VSTM2A: variants seen among roughly 807,000 people sequenced by gnomAD.
The protein encoded by VSTM2A is V-set and transmembrane domain containing 2A.
VSTM2A carries 13 observed loss-of-function variants against 27.3 expected under a neutral mutation model. That is an observed-to-expected ratio of 0.48 (90% CI 0.31 to 0.76). The LOEUF (loss-of-function observed/expected upper bound fraction) is 0.76, where lower values mean the gene tolerates loss of function less well. Among genes scored for constraint, VSTM2A ranks in the 30% least tolerant of loss-of-function variants. The pLI is 0.05. For missense variants in VSTM2A, 280 were observed against 310.0 expected, an observed-to-expected ratio of 0.90 and a Z score of 0.73; for synonymous variants, 142 against 125.7, an observed-to-expected ratio of 1.13 and a Z score of -0.87.
chr7:54,547,053 C>G (rs1053853175), intron 3 of VSTM2A, 56 bp downstream of exon 3: 2 of 1,507,334 alleles, frequency 1.3e-6, no homozygotes, highest in East Asian at 5.2e-5. Context: ...CACAGCCCTT[C>G]CCTGTCCCCG....
rs936266632 is a variant in VSTM2A at position 54,569,251 on chromosome 7, G to T, written c.*32G>T. On this transcript the variant is annotated 3_prime_UTR_variant, in exon 5 of 5. Coordinates refer to ENST00000402613, the MANE Select transcript of VSTM2A (RefSeq NM_001301009.2). ...ACACAAGGAGCGCCTGCTTCCGGAA[G>T]CATAAATGAAGAGGCTATCACATGC... The T allele has an allele frequency of 1.5e-5, 24 of 1,551,154 alleles. No homozygotes were observed. Among genetic ancestry groups the T allele is most frequent in the Non-Finnish European group, 2.0e-5 (23 of 1,146,828 alleles).
At chr7:54,543,329 G>C (rs1173696443) in intron 1 of VSTM2A, among the ~76,000 whole-genome samples, 3 of 152,148 alleles carry the variant, frequency 2.0e-5, no homozygotes, top group African/African-American at 7.2e-5. Flanking sequence ...GCAGCAGCCT[G>C]CTGAACCCGA....
rs939894560 is a variant in VSTM2A, at chr7:54,546,819, C to T, written c.247-128C>T. ...TGGGCCTGGACAGGGGTGGCCACGC[C>T]CCTGGTCGCTCCCCTGTCCCCAGGT... On this transcript the variant is annotated intron_variant, in intron 2 of 4. Coordinates refer to ENST00000402613, the MANE Select transcript of VSTM2A (RefSeq NM_001301009.2). 44 of 1,289,328 alleles carry T rather than the reference C, an allele frequency of 3.4e-5. No individual in the cohort carries two copies. In the South Asian group the frequency reaches 5.0e-4, roughly 15 times the overall value. 79.9% of individuals were successfully genotyped at this position (1,289,328 alleles called of 1,614,324 possible).
rs1788841046 is a variant in VSTM2A at position 54,569,961 on chromosome 7, C to T, written c.*742C>T. The T allele has an allele frequency of 6.6e-6, 1 of 152,054 alleles. No individual in the cohort carries two copies. Among genetic ancestry groups the T allele is most frequent in the African/African-American group, 2.4e-5 (1 of 41,388 alleles). The allele number at this position is 152,054 out of a possible 1,614,324, so 9.4% of individuals were successfully genotyped here. ...GAATATCTGTGTGTTGGGCCAATGA[C>T]CAACTTTTTTTGACGAAGCATTTGT... On this transcript the variant is annotated 3_prime_UTR_variant, in exon 5 of 5. Coordinates refer to ENST00000402613, the MANE Select transcript of VSTM2A (RefSeq NM_001301009.2).
In VSTM2A at chr7:54,570,627, A is replaced by G. The variant is rs4947920; in HGVS notation, c.*1408A>G. On this transcript the variant is annotated 3_prime_UTR_variant, in exon 5 of 5. Transcript: ENST00000402613. Reference sequence around the variant, plus strand: ...AATTTTAAATATTCCATTCTTATTTATGTCTTTATGATAATTCAGACTATT... The same window carrying G: ...AATTTTAAATATTCCATTCTTATTTGTGTCTTTATGATAATTCAGACTATT... 14 of 152,094 alleles carry G rather than the reference A, an allele frequency of 9.2e-5. No individual in the cohort carries two copies. Among genetic ancestry groups the G allele is most frequent in the African/African-American group, 2.9e-4 (12 of 41,376 alleles). The allele number at this position is 152,094 out of a possible 1,614,324, so 9.4% of individuals were successfully genotyped here.
chr7:54,564,267 A>C (rs928762497), intron 4 of VSTM2A, among the ~76,000 whole-genome samples: 10 of 152,204 alleles, frequency 6.6e-5, no homozygotes, highest in African/African-American at 2.4e-4. Flanking sequence ...TTCTGGAGTC[A>C]GACCATGCAG....
In VSTM2A at chr7:54,550,156, A is replaced by G. The variant is rs1421328362; in HGVS notation, c.620A>G (p.Gln207Arg). The G allele has an allele frequency of 1.9e-6, 3 of 1,599,266 alleles. No homozygotes were observed. The highest frequency in any genetic ancestry group is 1.3e-5 in the African/African-American group (1 of 74,606). ...CAAGTGGTAGCCAAAATCCCCAAAC[A>G]AAGTCCACAATCAGGTATGGAAACC... ...SPQVVAKIPK[Q>R]SPQSAKSKSP... Residue 207 changes from glutamine to arginine, a missense_variant, in exon 4 of 5, where the codon CAA becomes CGA. By Grantham distance (43) the Gln-to-Arg change is conservative. Transcript: ENST00000402613.
At chr7:54,552,175 A>G (rs1788220398) in intron 4 of VSTM2A, 1 of 152,184 alleles carries the variant, frequency 6.6e-6, no homozygotes, top group Non-Finnish European at 1.5e-5. Flanking sequence ...GGAGAGAAAA[A>G]AGTGACTCAT....
In VSTM2A at chr7:54,570,277, T is replaced by C. The variant is rs1262168470; in HGVS notation, c.*1058T>C. ...TTTCTGTATTATTATCATTATAATC[T>C]TGTCAAATAGAAATGTTGCTTCTAG... On this transcript the variant is annotated 3_prime_UTR_variant, in exon 5 of 5. Transcript: ENST00000402613. The C allele has an allele frequency of 6.6e-6, 1 of 152,196 alleles. No individual in the cohort carries two copies. Among genetic ancestry groups the C allele is most frequent in the East Asian group, 1.9e-4 (1 of 5,196 alleles). The allele number at this position is 152,196 out of a possible 1,614,324, so 9.4% of individuals were successfully genotyped here.
At chr7:54,561,715 A>G (rs1323184807) in intron 4 of VSTM2A, among the ~76,000 whole-genome samples, 3 of 152,196 alleles carry the variant, frequency 2.0e-5, no homozygotes, top group Admixed American at 6.5e-5. Flanking sequence ...TGAAATAGCT[A>G]AATTAAGGAA....
chr7:54,544,603 A>G lies in VSTM2A; in HGVS notation c.80-19A>G, dbSNP rs1562703307. On this transcript the variant is annotated intron_variant, in intron 1 of 4. Coordinates refer to ENST00000402613, the MANE Select transcript of VSTM2A (RefSeq NM_001301009.2). ...AGAGGGGTGTGGATATTCCAACAGG[A>G]TGCCTTTCTGTTTTGCAGCAAAATT... 6.2e-7 allele frequency: 1 copy of G among 1,612,764 alleles called. No homozygotes were observed. Among genetic ancestry groups the G allele is most frequent in the Admixed American group, 1.7e-5 (1 of 60,014 alleles).
Position 54,570,745 on chromosome 7 carries a change from T to C in VSTM2A, c.*1526T>C, listed in dbSNP as rs963383134. The C allele has an allele frequency of 1.3e-5, 2 of 152,152 alleles. No homozygotes were observed. Among genetic ancestry groups the C allele is most frequent in the East Asian group, 1.9e-4 (1 of 5,200 alleles). The allele number at this position is 152,152 out of a possible 1,614,324, so 9.4% of individuals were successfully genotyped here. ...TATGGAATAGATAAAGCTTGAGAGA[T>C]AAATGACCTAAGTTTTCCTTCCAGA... is the stretch of plus-strand genomic sequence containing the variant. On this transcript the variant is annotated 3_prime_UTR_variant, in exon 5 of 5. Transcript: ENST00000402613.
chr7:54,559,186 G>A (rs559504957), intron 4 of VSTM2A: 1 of 152,056 alleles, frequency 6.6e-6, no homozygotes, highest in South Asian at 2.1e-4. Context: ...AAATATTTTA[G>A]GAATAATATT....
chr7:54,543,630 A>C (rs1271570365), intron 1 of VSTM2A, among the ~76,000 whole-genome samples: 1 of 152,028 alleles, frequency 6.6e-6, no homozygotes, highest in Non-Finnish European at 1.5e-5. Context: ...GGAGGAGTGC[A>C]TCCACCCCAA....
chr7:54,551,990 T>C lies in VSTM2A; in HGVS notation c.634+1820T>C, dbSNP rs764501081. 9 of 152,374 alleles carry C rather than the reference T, an allele frequency of 5.9e-5. No homozygotes were observed. In the East Asian group the frequency reaches 9.6e-4, roughly 16 times the overall value. The allele number at this position is 152,374 out of a possible 1,614,324, so 9.4% of individuals were successfully genotyped here. A position where few individuals can be genotyped will look rare whatever the true frequency, so the allele number is the denominator to read the frequency against. ...TAGCTTTTGGGGTTTAATAATGCAA[T>C]CTCAAAATATCTATTTATTTTATTT... On this transcript the variant is annotated intron_variant, in intron 4 of 4. Coordinates refer to ENST00000402613, the MANE Select transcript of VSTM2A (RefSeq NM_001301009.2).
At chr7:54,555,492 C>T (rs904223671) in intron 4 of VSTM2A, among the ~76,000 whole-genome samples, 1 of 152,270 alleles carries the variant, frequency 6.6e-6, no homozygotes, top group African/African-American at 2.4e-5. Context: ...TTGCTGAGTT[C>T]CTACAAAAAT....
chr7:54,556,892 C>T (rs775031047), intron 4 of VSTM2A: 1 of 152,152 alleles, frequency 6.6e-6, no homozygotes, highest in Admixed American at 6.5e-5. Flanking sequence ...CTACTAGTTC[C>T]TCTGTAATTA....
chr7:54,556,093 T>C (rs1406390792), intron 4 of VSTM2A, among the ~76,000 whole-genome samples: 1 of 152,240 alleles, frequency 6.6e-6, no homozygotes, highest in Non-Finnish European at 1.5e-5. Context: ...TGTATCTGTG[T>C]CATGCTACAA....
At chr7:54,545,935 AG>A (rs1412413534) in intron 2 of VSTM2A, among the ~76,000 whole-genome samples, 2 of 37,836 alleles carry the variant, frequency 5.3e-5, no homozygotes, top group East Asian at 7.8e-4. Context: ...AGAGGGGGGA[AG>A]GGGGTGGGAG....
Sources: gnomAD v4.1 joint callset for allele counts (sites outside exome capture counted in the v4.1 genomes callset) on GRCh38, gnomAD v4.1.1 for gene constraint, MANE v1.5 for transcripts, NCBI Gene and HGNC (gene_info 2026-07-23, HGNC 2026-07-21) for gene names.